IQUB: variants seen among roughly 807,000 people sequenced by gnomAD.
The protein encoded by IQUB is IQ motif and ubiquitin domain containing, also known as IQ motif and ubiquitin-like domain-containing protein.
In IQUB, 86 loss-of-function variants were observed where a neutral mutation model predicts 86.4. That is an observed-to-expected ratio of 1.00 (90% CI 0.84 to 1.19). The LOEUF (loss-of-function observed/expected upper bound fraction) is 1.19. Ranked by LOEUF, IQUB falls within the 50% of genes most tolerant of loss-of-function variation. The pLI, the probability that IQUB is intolerant of heterozygous loss-of-function variation, is 0.00. For missense variants in IQUB, 946 were observed against 916.9 expected (o/e 1.03, Z -0.41); for synonymous variants, 289 against 304.5 (o/e 0.95, Z 0.53).
chr7:123,523,549 A>T (rs1026399667), intron 1 of IQUB, among the ~76,000 whole-genome samples: 56 of 151,764 alleles, frequency 3.7e-4, no homozygotes, highest in Admixed American at 1.2e-3. Context: ...TTGATGGGGT[A>T]GTTTGTTTTT....
At chr7:123,500,700 C>T (rs1795904388) in intron 6 of IQUB, among the ~76,000 whole-genome samples, 1 of 152,150 alleles carries the variant, frequency 6.6e-6, no homozygotes. Flanking sequence ...ACCTCCAATT[C>T]ACCTTTCAAG....
intron 1 of IQUB, among the ~76,000 whole-genome samples, chr7:123,529,724 T>TAAAAAAAA (rs753026777): frequency 0.02 from 719 of 35,804 alleles, 148 homozygotes; most frequent in African/African-American, 0.032. Flanking sequence ...TGTCTCTACT[T>TAAAAAAAA]AAAAAAAAAA....
intron 8 of IQUB, 42 bp from the exon 9 acceptor site, chr7:123,469,426 A>G: frequency 8.5e-7 from 1 of 1,181,092 alleles, no homozygotes; most frequent in Non-Finnish European, 1.2e-6. Flanking sequence ...GTTAATTAGA[A>G]ACTACGTATA....
intron 7 of IQUB, among the ~76,000 whole-genome samples, chr7:123,485,454 T>TG (rs1795179114): frequency 2.0e-5 from 3 of 152,106 alleles, no homozygotes; most frequent in African/African-American, 7.2e-5. Context: ...CATATGGATT[T>TG]GGGGGGAACA....
intron 8 of IQUB, among the ~76,000 whole-genome samples, chr7:123,478,637 T>C (rs1297656703): frequency 6.6e-6 from 1 of 152,018 alleles, no homozygotes; most frequent in African/African-American, 2.4e-5. Flanking sequence ...TATTAAATAA[T>C]TGACCAAGGA....
rs374712007 is a variant in IQUB at position 123,517,530 on chromosome 7, C to CAAAAA, written c.-4-5191_-4-5187dup. Among the ~76,000 whole-genome samples, 36 of 22,428 alleles carry CAAAAA rather than the reference C, an allele frequency of 1.6e-3. 1 individual carries two copies. Among genetic ancestry groups the CAAAAA allele is most frequent in the Admixed American group, 2.0e-3 (3 of 1,476 alleles). 14.7% of individuals were successfully genotyped at this position (22,428 alleles called of 152,430 possible). A position where few individuals can be genotyped will look rare whatever the true frequency, so the allele number is the denominator to read the frequency against. On this transcript the variant is annotated intron_variant, in intron 1 of 12. Coordinates refer to ENST00000324698, the MANE Select transcript of IQUB (RefSeq NM_178827.5). ...TGGGTGACAGAGCGAGACTCCATCT[C>CAAAAA]AAAAAAAAAAAAAAAAAAAAAAAAA...
At chr7:123,484,130 C>T (rs1208055830) in intron 7 of IQUB, among the ~76,000 whole-genome samples, 1 of 151,988 alleles carries the variant, frequency 6.6e-6, no homozygotes, top group Non-Finnish European at 1.5e-5. Flanking sequence ...TTAAAAGAAT[C>T]CGCTCTGTCC....
Position 123,512,285 on chromosome 7 carries a change from T to C in IQUB, c.56A>G (p.Glu19Gly), listed in dbSNP as rs1312737176. 1 of 1,609,596 alleles carries C rather than the reference T, an allele frequency of 6.2e-7. No individual in the cohort carries two copies. Among genetic ancestry groups the C allele is most frequent in the Non-Finnish European group, 8.5e-7 (1 of 1,176,282 alleles). Residue 19 changes from glutamate (E) to glycine (G), a missense_variant, in exon 2 of 13, where the codon GAG becomes GGG. Transcript: ENST00000324698. ...GACAGTATCAAAAGCATCATCACTC[T>C]CTTCTGTTGAATTGACTATATTCTG... ...EAQNIVNSTE[E>G]SDDAFDTVTI...
intron 7 of IQUB, among the ~76,000 whole-genome samples, chr7:123,485,185 T>C (rs1375503156): frequency 6.6e-6 from 1 of 152,150 alleles, no homozygotes; most frequent in African/African-American, 2.4e-5. Flanking sequence ...TTCTGGAGGC[T>C]AAAGGTCCAA....
At chr7:123,529,487 T>TG (rs1247520442) in intron 1 of IQUB, among the ~76,000 whole-genome samples, 1 of 151,276 alleles carries the variant, frequency 6.6e-6, no homozygotes, top group Non-Finnish European at 1.5e-5. Context: ...GTTTTTTTTT[T>TG]GTTTTAATAG....
chr7:123,531,396 A>G (rs1442475474), intron 1 of IQUB, among the ~76,000 whole-genome samples: 1 of 152,174 alleles, frequency 6.6e-6, no homozygotes, highest in Non-Finnish European at 1.5e-5. Flanking sequence ...AGGCAACACC[A>G]AACACGACAC....
At chr7:123,504,773 T>C (rs1212923450) in intron 3 of IQUB, among the ~76,000 whole-genome samples, 1 of 152,014 alleles carries the variant, frequency 6.6e-6, no homozygotes, top group East Asian at 1.9e-4. Context: ...CCAAACCATA[T>C]CATTTTGCTC....
At chr7:123,518,801 C>G (rs1402925561) in intron 1 of IQUB, among the ~76,000 whole-genome samples, 1 of 152,098 alleles carries the variant, frequency 6.6e-6, no homozygotes, top group Non-Finnish European at 1.5e-5. Flanking sequence ...ACTATGTTGG[C>G]CAGGCTGGTC....
intron 11 of IQUB, among the ~76,000 whole-genome samples, chr7:123,458,579 A>G (rs1793825570): frequency 6.6e-6 from 1 of 152,028 alleles, no homozygotes; most frequent in African/African-American, 2.4e-5. Context: ...TTTAAAATTC[A>G]ATGTTTTATA....
intron 1 of IQUB, among the ~76,000 whole-genome samples, chr7:123,528,685 C>T (rs943819004): frequency 1.3e-5 from 2 of 152,136 alleles, no homozygotes; most frequent in Non-Finnish European, 2.9e-5. Context: ...CCAGGAATGC[C>T]TCATGGTAGG....
chr7:123,526,007 C>T (rs28860811), intron 1 of IQUB, among the ~76,000 whole-genome samples: 31,927 of 138,584 alleles, frequency 0.23, 3,820 homozygotes, highest in East Asian at 0.29. Context: ...TGTAGTTAAG[C>T]GGTTTTGAGT....
chr7:123,465,885 T>C (rs1794234706), intron 9 of IQUB, among the ~76,000 whole-genome samples: 1 of 152,028 alleles, frequency 6.6e-6, no homozygotes, highest in African/African-American at 2.4e-5. Context: ...GCCTAGGTAT[T>C]ATACTCATTT....
chr7:123,496,805 T>C lies in IQUB; in HGVS notation c.1125A>G (p.Gln375=). 1 of 1,612,686 alleles carries C rather than the reference T, an allele frequency of 6.2e-7. No individual in the cohort carries two copies. The change falls in exon 7 of 13, where the codon CAA becomes CAG. Residue 375 remains glutamine, a synonymous_variant. Transcript: ENST00000324698. The part of the protein sequence containing the change: ...KSLRLEWETQ[Q]ELRKIREKEE... ...CTTTTTCTCTTATCTTCCTTAGTTC[T>C]TGCTGTGTTTCCCATTCCAGTCTTA...
At chr7:123,498,857 A>G (rs931664265) in intron 6 of IQUB, among the ~76,000 whole-genome samples, 12 of 152,238 alleles carry the variant, frequency 7.9e-5, no homozygotes, top group African/African-American at 2.4e-4. Context: ...AAATGTGGTC[A>G]TCAGTGGAAC....
Sources: allele counts gnomAD v4.1 joint callset (sites outside exome capture counted in the v4.1 genomes callset), GRCh38; gene constraint gnomAD v4.1.1; transcripts MANE v1.5; gene names NCBI Gene and HGNC (gene_info 2026-07-23, HGNC 2026-07-21).